AGBL4: variants seen among roughly 807,000 people sequenced by gnomAD.
AGBL4 encodes the protein cytosolic carboxypeptidase 6.
A neutral mutation model predicts 66.4 loss-of-function variants in AGBL4; 58 were observed. The observed-to-expected ratio is 0.87, with a 90% CI of 0.71 to 1.09. The LOEUF (loss-of-function observed/expected upper bound fraction) is 1.09. AGBL4 is among the 50% of genes least tolerant of loss of function. The pLI is 0.00. For missense variants in AGBL4, 579 were observed against 631.0 expected (o/e 0.92, Z 0.88); for synonymous variants, 234 against 222.9 (o/e 1.05, Z -0.44).
At chr1:49,859,271 G>A (rs1646510702) in intron 1 of AGBL4, among the ~76,000 whole-genome samples, 1 of 152,110 alleles carries the variant, frequency 6.6e-6, no homozygotes, top group African/African-American at 2.4e-5. Context: ...CTAAGCAGAT[G>A]AAGACATTAA....
intron 1 of AGBL4, among the ~76,000 whole-genome samples, chr1:49,886,048 T>C (rs1230551171): frequency 6.6e-6 from 1 of 152,172 alleles, no homozygotes; most frequent in East Asian, 1.9e-4. Flanking sequence ...AAGGGGAGTT[T>C]GCATACAATT....
chr1:49,107,694 T>TGTGAGAGAGA (rs764451269), intron 4 of AGBL4, among the ~76,000 whole-genome samples: 142 of 113,982 alleles, frequency 1.2e-3, no homozygotes, highest in African/African-American at 5.1e-3. Flanking sequence ...TGTGTGTGTG[T>TGTGAGAGAGA]GAGAGAGAGA....
intron 4 of AGBL4, among the ~76,000 whole-genome samples, chr1:49,150,323 A>C (rs1646302948): frequency 6.6e-6 from 1 of 152,208 alleles, no homozygotes; most frequent in Admixed American, 6.5e-5. Context: ...ATCAGCCATT[A>C]AAAATAAAGT....
chr1:49,273,164 A>G (rs1208326862), intron 3 of AGBL4, among the ~76,000 whole-genome samples: 1 of 152,132 alleles, frequency 6.6e-6, no homozygotes, highest in Non-Finnish European at 1.5e-5. Flanking sequence ...CCTCCTGGAA[A>G]AAGTTAGATC....
chr1:49,127,634 A>G (rs867159591), intron 4 of AGBL4, among the ~76,000 whole-genome samples: 1 of 152,056 alleles, frequency 6.6e-6, no homozygotes, highest in African/African-American at 2.4e-5. Context: ...ACTAGGGAGA[A>G]CTGAACAACT....
At chr1:49,146,133 A>C (rs1646213605) in intron 4 of AGBL4, among the ~76,000 whole-genome samples, 1 of 152,142 alleles carries the variant, frequency 6.6e-6, no homozygotes, top group Non-Finnish European at 1.5e-5. Flanking sequence ...TTAGGGAGGA[A>C]GTAGGGACAG....
chr1:49,935,135 C>T (rs1319003283), intron 1 of AGBL4, among the ~76,000 whole-genome samples: 1 of 152,224 alleles, frequency 6.6e-6, no homozygotes, highest in Non-Finnish European at 1.5e-5. Flanking sequence ...CACCCTAATA[C>T]AGCGCTTTTC....
chr1:50,002,226 A>T (rs1660806716), intron 1 of AGBL4, among the ~76,000 whole-genome samples: 1 of 152,210 alleles, frequency 6.6e-6, no homozygotes, highest in South Asian at 2.1e-4. Context: ...AGGTGAGTCA[A>T]ATACACCAAA....
intron 5 of AGBL4, among the ~76,000 whole-genome samples, chr1:48,947,472 G>T (rs1656612554): frequency 6.6e-6 from 1 of 152,090 alleles, no homozygotes; most frequent in African/African-American, 2.4e-5. Flanking sequence ...ACACTTTCAG[G>T]CTATTAATCT....
intron 3 of AGBL4, among the ~76,000 whole-genome samples, chr1:49,251,563 C>T (rs187926213): frequency 6.6e-6 from 1 of 152,194 alleles, no homozygotes; most frequent in Admixed American, 6.5e-5. Context: ...CCTGAGCCAA[C>T]ACCACCTCCA....
intron 3 of AGBL4, among the ~76,000 whole-genome samples, chr1:49,678,606 C>G (rs1045745990): frequency 6.6e-6 from 1 of 152,022 alleles, no homozygotes; most frequent in Non-Finnish European, 1.5e-5. Context: ...CTATACATTG[C>G]CCTCTCAGTA....
intron 2 of AGBL4, among the ~76,000 whole-genome samples, chr1:49,762,604 G>A (rs902700132): frequency 6.6e-6 from 1 of 152,150 alleles, no homozygotes; most frequent in African/African-American, 2.4e-5. Flanking sequence ...AGTAGAGACG[G>A]CGTTTCACCA....
At chr1:48,998,874 G>C (rs1228491478) in intron 5 of AGBL4, among the ~76,000 whole-genome samples, 1 of 152,176 alleles carries the variant, frequency 6.6e-6, no homozygotes, top group Non-Finnish European at 1.5e-5. Flanking sequence ...TGAAGGAGAG[G>C]AAGCTTAGGA....
intron 1 of AGBL4, among the ~76,000 whole-genome samples, chr1:49,903,438 C>T (rs1649970846): frequency 1.3e-5 from 2 of 152,020 alleles, no homozygotes; most frequent in Non-Finnish European, 2.9e-5. Context: ...ATAATCTGTA[C>T]ACCGAACCCC....
chr1:49,659,568 G>T (rs974501863), intron 3 of AGBL4, among the ~76,000 whole-genome samples: 3 of 152,074 alleles, frequency 2.0e-5, no homozygotes, highest in Non-Finnish European at 4.4e-5. Context: ...TTACATAATG[G>T]TAAAGGGTTC....
intron 3 of AGBL4, among the ~76,000 whole-genome samples, chr1:49,457,369 C>T (rs1166421645): frequency 6.6e-6 from 1 of 151,682 alleles, no homozygotes; most frequent in African/African-American, 2.4e-5. Context: ...ATTTGTATAT[C>T]TTCTTTTGAG....
At chr1:49,846,145 G>A (rs544213637) in intron 2 of AGBL4, 1 of 1,467,462 alleles carries the variant, frequency 6.8e-7, no homozygotes, top group East Asian at 2.3e-5. Context: ...TTCATACCAA[G>A]GAAAAGCCCT....
At chr1:49,855,359 T>C (rs1489396699) in intron 1 of AGBL4, among the ~76,000 whole-genome samples, 1 of 152,080 alleles carries the variant, frequency 6.6e-6, no homozygotes, top group Admixed American at 6.6e-5. Context: ...ACACATCATA[T>C]AGAAAGCAAA....
At chr1:49,541,455 C>G (rs1177019384) in intron 3 of AGBL4, among the ~76,000 whole-genome samples, 5 of 152,196 alleles carry the variant, frequency 3.3e-5, no homozygotes, top group African/African-American at 9.6e-5. Context: ...CAGCCCCGGG[C>G]AGTGAGGGGC....
Sources: allele counts gnomAD v4.1 joint callset (sites outside exome capture counted in the v4.1 genomes callset), GRCh38; gene constraint gnomAD v4.1.1; transcripts MANE v1.5; gene names NCBI Gene and HGNC (gene_info 2026-07-23, HGNC 2026-07-21).